Variants in TENM1 observed in about 807,000 individuals in gnomAD.
TENM1 encodes the protein teneurin transmembrane protein 1.
Under a neutral mutation model 174.8 loss-of-function variants are expected in TENM1, and 35 were observed. That is an observed-to-expected ratio of 0.20 (90% CI 0.15 to 0.27). TENM1 has a LOEUF of 0.27. TENM1 is among the 10% of genes least tolerant of loss of function. The pLI is 1.00. For synonymous variants in TENM1, 781 were observed against 798.7 expected, an observed-to-expected ratio of 0.98 and a Z score of 0.37; for missense variants, 1,633 against 2,130.1, an observed-to-expected ratio of 0.77 and a Z score of 4.59.
At chrX:124,912,194 A>T (rs2147643547) in intron 1 of TENM1, among the ~76,000 whole-genome samples, 1 of 111,450 alleles carries the variant, frequency 9.0e-6, no homozygotes, top group South Asian at 3.8e-4. Flanking sequence ...GGTCAGCAAA[A>T]TTGAGTATAT....
chrX:124,806,023 T>C (rs112131981), intron 3 of TENM1, among the ~76,000 whole-genome samples: 1 of 111,142 alleles, frequency 9.0e-6, no homozygotes, highest in Non-Finnish European at 1.9e-5. Flanking sequence ...TCAAAAGAAC[T>C]ATTTTAAGGA....
chrX:124,692,975 T>A (rs1603014814), intron 5 of TENM1, among the ~76,000 whole-genome samples: 1 of 84,160 alleles, frequency 1.2e-5, no homozygotes, highest in East Asian at 3.6e-4. Flanking sequence ...GCCATTGCAC[T>A]CCAGCCTGGG....
At chrX:124,468,578 G>C (rs996856719) in intron 22 of TENM1, among the ~76,000 whole-genome samples, 2 of 111,945 alleles carry the variant, frequency 1.8e-5, no homozygotes, top group African/African-American at 3.2e-5. Flanking sequence ...GGTAACTACT[G>C]TCCTGAAGTT....
chrX:125,012,822 T>A, the TENM1 span, among the ~76,000 whole-genome samples: 1 of 112,132 alleles, frequency 8.9e-6, no homozygotes, highest in Non-Finnish European at 1.9e-5. Flanking sequence ...TATATAATAT[T>A]AAAACAATTC....
chrX:124,929,139 C>T (rs2058133444), intron 1 of TENM1, among the ~76,000 whole-genome samples: 1 of 111,573 alleles, frequency 9.0e-6, no homozygotes, highest in African/African-American at 3.3e-5. Context: ...TTCGACCTGT[C>T]TTATGCGTTA....
At chrX:125,109,797 G>A in the TENM1 span, among the ~76,000 whole-genome samples, 1 of 111,431 alleles carries the variant, frequency 9.0e-6, no homozygotes, top group African/African-American at 3.3e-5. Flanking sequence ...CGACAAATCG[G>A]GCTTGAGTAA....
chrX:125,045,288 C>T, the TENM1 span, among the ~76,000 whole-genome samples: 735 of 111,305 alleles, frequency 6.6e-3, 2 homozygotes, highest in African/African-American at 0.022. Flanking sequence ...AGAGTCAAAC[C>T]ATATCAGGAA....
At chrX:124,955,925 T>C (rs1481865508) in intron 1 of TENM1, among the ~76,000 whole-genome samples, 3 of 111,300 alleles carry the variant, frequency 2.7e-5, no homozygotes, top group Non-Finnish European at 5.7e-5. Context: ...TGGGTTCCGA[T>C]GCTAGTTCTA....
At chrX:124,894,273 A>T (rs2057523434) in intron 3 of TENM1, 23 bp downstream of exon 6, 2 of 1,175,576 alleles carry the variant, frequency 1.7e-6, no homozygotes, top group Non-Finnish European at 2.3e-6. Context: ...ATAATTTGTG[A>T]TCAAATATTT....
chrX:125,123,693 C>T, the TENM1 span, among the ~76,000 whole-genome samples: 2 of 111,728 alleles, frequency 1.8e-5, no homozygotes, highest in Non-Finnish European at 3.8e-5. Flanking sequence ...GTAGACTGCT[C>T]CTCAATTAAA....
At chrX:124,901,436 C>G (rs1325164487) in intron 1 of TENM1, among the ~76,000 whole-genome samples, 1 of 111,603 alleles carries the variant, frequency 9.0e-6, no homozygotes, top group Non-Finnish European at 1.9e-5. Context: ...AAAGTTATAG[C>G]TATCTGTATC....
intron 27 of TENM1, among the ~76,000 whole-genome samples, chrX:124,397,838 C>A (rs2060354113): frequency 9.2e-6 from 1 of 109,065 alleles, no homozygotes. Flanking sequence ...AGTGATCCAC[C>A]CGCCTCAGCC....
At chrX:124,416,163 T>C (rs1396160583) in intron 25 of TENM1, among the ~76,000 whole-genome samples, 1 of 111,590 alleles carries the variant, frequency 9.0e-6, no homozygotes, top group East Asian at 2.8e-4. Context: ...TTACAGTACA[T>C]TTGCAATGTT....
chrX:124,551,326 A>G (rs1324852804), intron 14 of TENM1, among the ~76,000 whole-genome samples: 2 of 111,694 alleles, frequency 1.8e-5, no homozygotes, highest in Non-Finnish European at 1.9e-5. Context: ...AGTCAAACAT[A>G]TAGAAGTAGA....
At chrX:124,995,821 A>C in the TENM1 span, among the ~76,000 whole-genome samples, 1 of 111,455 alleles carries the variant, frequency 9.0e-6, no homozygotes. Flanking sequence ...TTTTGAAAAA[A>C]AGTTTCCCAA....
At chrX:124,878,827 C>T (rs1156731322) in intron 3 of TENM1, among the ~76,000 whole-genome samples, 1 of 111,487 alleles carries the variant, frequency 9.0e-6, no homozygotes, top group African/African-American at 3.3e-5. Flanking sequence ...CCCTCATGGC[C>T]AAGGATGAGC....
At chrX:124,956,400 C>T (rs758195226) in intron 1 of TENM1, among the ~76,000 whole-genome samples, 40 of 111,976 alleles carry the variant, frequency 3.6e-4, no homozygotes, top group Non-Finnish European at 6.6e-4. Context: ...ATTGACAATG[C>T]TTGCGTGAAA....
At chrX:124,719,949 A>T (rs2053272945) in intron 4 of TENM1, among the ~76,000 whole-genome samples, 2 of 112,094 alleles carry the variant, frequency 1.8e-5, no homozygotes. Context: ...GAAACATAAT[A>T]TGAAGCTGTA....
intron 6 of TENM1, among the ~76,000 whole-genome samples, chrX:124,659,603 AT>A (rs766549412): frequency 1.2e-4 from 13 of 107,778 alleles, no homozygotes; most frequent in East Asian, 5.7e-4. Flanking sequence ...TCCAACTCTC[AT>A]TTTTTTTTTA....
Sources: gnomAD v4.1 joint callset for allele counts (sites outside exome capture counted in the v4.1 genomes callset) on GRCh38, gnomAD v4.1.1 for gene constraint, MANE v1.5 for transcripts, NCBI Gene and HGNC (gene_info 2026-07-23, HGNC 2026-07-21) for gene names.